Variants in FBXO3 observed in about 807,000 individuals in gnomAD.
FBXO3 encodes the protein F-box only protein 3.
A neutral mutation model predicts 64.8 loss-of-function variants in FBXO3; 17 were observed. The observed-to-expected ratio is 0.26, with a 90% CI of 0.18 to 0.39. FBXO3 has a LOEUF of 0.39. FBXO3 is among the 10% of genes least tolerant of loss of function. FBXO3 has a pLI of 1.00. For missense variants in FBXO3, 420 were observed against 589.9 expected (o/e 0.71, Z 2.98); for synonymous variants, 182 against 201.6 (o/e 0.90, Z 0.82).
chr11:33,752,024 G>A (rs1204502206), intron 6 of FBXO3, among the ~76,000 whole-genome samples: 1 of 152,234 alleles, frequency 6.6e-6, no homozygotes, highest in East Asian at 1.9e-4. Context: ...AGACGTCCCT[G>A]GTCCAGGTAC....
chr11:33,746,105 T>TGA, intron 10 of FBXO3: 1 of 152,320 alleles, frequency 6.6e-6, no homozygotes, highest in South Asian at 2.1e-4. Context: ...AGAAATTAAA[T>TGA]TCAAATTTCA....
chr11:33,760,543 A>C (rs1390437940), intron 3 of FBXO3, among the ~76,000 whole-genome samples: 1 of 151,768 alleles, frequency 6.6e-6, no homozygotes, highest in Non-Finnish European at 1.5e-5. Context: ...TACTCGGGAG[A>C]CTGAGCTGGA....
intron 3 of FBXO3, among the ~76,000 whole-genome samples, chr11:33,763,637 A>AC (rs993743746): frequency 9.9e-5 from 15 of 151,304 alleles, no homozygotes; most frequent in Non-Finnish European, 1.9e-4. Flanking sequence ...AAAAAAAAAA[A>AC]AAAAAAAAAA....
intron 8 of FBXO3, among the ~76,000 whole-genome samples, chr11:33,749,629 G>T (rs1315256594): frequency 6.6e-6 from 1 of 152,120 alleles, no homozygotes; most frequent in African/African-American, 2.4e-5. Context: ...CTCCCAAAGT[G>T]CTGCGATTAT....
chr11:33,742,057 T>C lies in FBXO3; in HGVS notation c.1267A>G (p.Met423Val), dbSNP rs1417531818. The change falls in exon 11 of 11, where the codon ATG becomes GTG. Residue 423 changes from methionine (M) to valine (V), a missense_variant. Met to Val is a conservative substitution (Grantham distance 21). This residue lies in a region of FBXO3 where 337 missense variants were observed against 518.4 expected (regional missense o/e 0.65). Coordinates refer to ENST00000265651, the MANE Select transcript of FBXO3 (RefSeq NM_012175.4). ...TCTTCCTCCTCCTCCTCTTCTTCCATCTCTTCATATTCATCAGGACCCATT... is the reference window on the plus strand; with the variant it reads ...TCTTCCTCCTCCTCCTCTTCTTCCACCTCTTCATATTCATCAGGACCCATT... Reference protein sequence around the residue: ...LEMGPDEYEEMEEEEEEEEEE... With the variant: ...LEMGPDEYEEVEEEEEEEEEE... 14 of 1,603,786 alleles carry C rather than the reference T, an allele frequency of 8.7e-6. No individual in the cohort carries two copies. The East Asian group carries it at 2.7e-4, about 31-fold the overall frequency.
chr11:33,764,282 A>G (rs1328896612), intron 3 of FBXO3, among the ~76,000 whole-genome samples: 1 of 152,246 alleles, frequency 6.6e-6, no homozygotes, highest in African/African-American at 2.4e-5. Context: ...TAAAGTTCAA[A>G]AAAGAAAACT....
chr11:33,758,940 G>T (rs10836107), intron 3 of FBXO3, among the ~76,000 whole-genome samples: 1 of 151,466 alleles, frequency 6.6e-6, no homozygotes, highest in South Asian at 2.1e-4. Context: ...AAAAAAAACA[G>T]CAAAACCCCT....
chr11:33,747,066 G>A (rs1854830454), intron 10 of FBXO3, 64 bp downstream of exon 10: 3 of 1,578,810 alleles, frequency 1.9e-6, no homozygotes, highest in Non-Finnish European at 2.6e-6. Context: ...TATTTGCCTG[G>A]CTTATCTGCA....
intron 4 of FBXO3, among the ~76,000 whole-genome samples, chr11:33,757,655 T>TCAAAAAAAAAAAAAAA (rs1855136598): frequency 4.8e-5 from 1 of 21,016 alleles, no homozygotes. Context: ...ACACCATCTC[T>TCAAAAAAAAAAAAAAA]TAAAAAAAAA....
intron 6 of FBXO3, chr11:33,754,018 A>G (rs1323783644): frequency 6.5e-6 from 1 of 153,536 alleles, no homozygotes; most frequent in Non-Finnish European, 1.4e-5. Flanking sequence ...ATTAGTCCCT[A>G]AAGACTTGCT....
chr11:33,742,160 A>T, intron 10 of FBXO3, 76 bp from the exon 11 acceptor site: 2 of 1,369,354 alleles, frequency 1.5e-6, no homozygotes, highest in South Asian at 3.2e-5. Flanking sequence ...ATTCTCATTT[A>T]TCTAGAATTC....
At chr11:33,757,656 TAAAA>T (rs1170445394) in intron 4 of FBXO3, among the ~76,000 whole-genome samples, 30 of 23,976 alleles carry the variant, frequency 1.3e-3, no homozygotes, top group South Asian at 2.2e-3. Flanking sequence ...CACCATCTCT[TAAAA>T]AAAAAAAAAA....
chr11:33,763,109 A>C (rs527958342), intron 3 of FBXO3: 3 of 200,380 alleles, frequency 1.5e-5, no homozygotes, highest in East Asian at 2.2e-4. Context: ...AATTGAATCC[A>C]TAATTTAAAA....
intron 3 of FBXO3, among the ~76,000 whole-genome samples, chr11:33,767,157 C>T (rs1254532832): frequency 6.6e-6 from 1 of 152,210 alleles, no homozygotes; most frequent in African/African-American, 2.4e-5. Flanking sequence ...GTCCAATATA[C>T]ATTCTAAGAC....
intron 2 of FBXO3, among the ~76,000 whole-genome samples, chr11:33,770,421 T>C (rs1408362674): frequency 6.6e-6 from 1 of 152,214 alleles, no homozygotes; most frequent in Non-Finnish European, 1.5e-5. Flanking sequence ...GGACAGCCAA[T>C]AGAAAGGTCC....
chr11:33,742,802 T>C (rs1175042320), intron 10 of FBXO3: 1 of 152,194 alleles, frequency 6.6e-6, no homozygotes, highest in African/African-American at 2.4e-5. Context: ...TTTATTTTTT[T>C]AGTGGCTTGA....
chr11:33,764,702 G>A (rs1040907312), intron 3 of FBXO3, among the ~76,000 whole-genome samples: 4 of 152,074 alleles, frequency 2.6e-5, no homozygotes, highest in African/African-American at 2.4e-5. Flanking sequence ...TGCTGGGTGC[G>A]GTGGCTCCCA....
At chr11:33,747,346 C>T in intron 9 of FBXO3, 26 bp from the exon 10 acceptor site, 1 of 1,563,242 alleles carries the variant, frequency 6.4e-7, no homozygotes, top group Non-Finnish European at 8.8e-7. Flanking sequence ...TAACAATAAA[C>T]CAAAGTATAA....
At chr11:33,758,721 T>C (rs1298629789) in intron 3 of FBXO3, 120 bp from the exon 4 acceptor site, 3 of 568,918 alleles carry the variant, frequency 5.3e-6, no homozygotes, top group Non-Finnish European at 8.5e-6. Context: ...CCAAAATATA[T>C]GGCTGAAATA....
Sources: gnomAD v4.1 joint callset for allele counts (sites outside exome capture counted in the v4.1 genomes callset) on GRCh38, gnomAD v4.1.1 for gene constraint, gnomAD v4.1.1 regional missense constraint, MANE v1.5 for transcripts, NCBI Gene and HGNC (gene_info 2026-07-23, HGNC 2026-07-21) for gene names.